Variants in KAT6A observed in about 807,000 individuals in gnomAD.
The protein encoded by KAT6A is lysine acetyltransferase 6A.
A neutral mutation model predicts 198.4 loss-of-function variants in KAT6A; 9 were observed. That is an observed-to-expected ratio of 0.05 (90% CI 0.03 to 0.08). The LOEUF is 0.08. Among genes scored for constraint, KAT6A ranks in the 10% least tolerant of loss-of-function variants. KAT6A has a pLI of 1.00. For synonymous variants in KAT6A, 890 were observed against 883.0 expected (o/e 1.01, Z -0.14); for missense variants, 2,077 against 2,509.9 (o/e 0.83, Z 3.69).
In KAT6A at chr8:41,991,621, T is replaced by G. The variant is rs558193877; in HGVS notation, c.601-4058A>C. 3.2e-4 allele frequency among the ~76,000 whole-genome samples: 48 copies of G among 152,290 alleles called. No individual in the cohort carries two copies. The South Asian group carries it at 9.3e-3, about 30-fold the overall frequency. Reference sequence around the variant, plus strand: ...TATGTATATTTTAATTAGAGTTAAATTTAAATTAATCAAAAAATATAGTAT... The same window carrying G: ...TATGTATATTTTAATTAGAGTTAAAGTTAAATTAATCAAAAAATATAGTAT... On this transcript the variant is annotated intron_variant, in intron 2 of 16. Coordinates refer to ENST00000265713, the MANE Select transcript of KAT6A (RefSeq NM_006766.5).
At chr8:42,005,635 A>AG (rs1825699441) in intron 2 of KAT6A, among the ~76,000 whole-genome samples, 1 of 152,178 alleles carries the variant, frequency 6.6e-6, no homozygotes, top group Non-Finnish European at 1.5e-5. Flanking sequence ...AGAGGGAGTG[A>AG]GGTTGGAAGG....
chr8:41,975,691 G>T (rs1824017366), intron 7 of KAT6A, among the ~76,000 whole-genome samples: 1 of 152,092 alleles, frequency 6.6e-6, no homozygotes, highest in Admixed American at 6.6e-5. Context: ...CTCTAATACA[G>T]CATTCGGTAC....
At chr8:41,941,540 G>A in intron 14 of KAT6A, 96 bp from the exon 15 acceptor site, 3 of 1,274,932 alleles carry the variant, frequency 2.4e-6, no homozygotes, top group Non-Finnish European at 3.2e-6. Context: ...AGAAGAAAAG[G>A]AAACTGAGCT....
At chr8:42,047,598 G>A (rs1023342347) in intron 2 of KAT6A, among the ~76,000 whole-genome samples, 5 of 152,036 alleles carry the variant, frequency 3.3e-5, no homozygotes, top group South Asian at 4.1e-4. Context: ...TTTGGTGGAC[G>A]TGGGGTCTCG....
At chr8:42,021,734 C>T (rs1826543962) in intron 2 of KAT6A, among the ~76,000 whole-genome samples, 2 of 152,120 alleles carry the variant, frequency 1.3e-5, no homozygotes, top group African/African-American at 4.8e-5. Flanking sequence ...AGTTCAAGAC[C>T]AGCCTGGCCA....
intron 2 of KAT6A, among the ~76,000 whole-genome samples, chr8:42,017,693 G>A (rs1489329985): frequency 6.6e-6 from 1 of 152,102 alleles, no homozygotes; most frequent in African/African-American, 2.4e-5. Context: ...TTGCAATAAA[G>A]GCAAGGAAGC....
At chr8:41,975,627 A>T (rs2150885483) in intron 7 of KAT6A, among the ~76,000 whole-genome samples, 1 of 152,300 alleles carries the variant, frequency 6.6e-6, no homozygotes, top group South Asian at 2.1e-4. Context: ...AAAAAAGTAC[A>T]ATCTAAAGGT....
At chr8:42,031,391 C>T (rs919701478) in intron 2 of KAT6A, among the ~76,000 whole-genome samples, 2 of 152,064 alleles carry the variant, frequency 1.3e-5, no homozygotes, top group African/African-American at 4.8e-5. Flanking sequence ...TTCTCCTTTT[C>T]ATCTAGAGGC....
intron 2 of KAT6A, among the ~76,000 whole-genome samples, chr8:42,007,235 C>A (rs1172736462): frequency 6.6e-6 from 1 of 152,096 alleles, no homozygotes; most frequent in Non-Finnish European, 1.5e-5. Flanking sequence ...TGAGAACTTC[C>A]TTCAGATTAA....
chr8:41,979,398 G>C (rs545732912), intron 5 of KAT6A, among the ~76,000 whole-genome samples: 19 of 151,280 alleles, frequency 1.3e-4, no homozygotes, highest in Non-Finnish European at 2.4e-4. Context: ...CATCACTTTG[G>C]GGGGCTGAGG....
chr8:42,015,419 T>G (rs1213584897), intron 2 of KAT6A, among the ~76,000 whole-genome samples: 1 of 152,236 alleles, frequency 6.6e-6, no homozygotes, highest in Non-Finnish European at 1.5e-5. Flanking sequence ...CTTTCTTGCC[T>G]TAAGTTCAGA....
Position 41,995,838 on chromosome 8 carries a change from G to A in KAT6A, c.601-8275C>T, listed in dbSNP as rs555827096. 3.3e-5 allele frequency among the ~76,000 whole-genome samples: 5 copies of A among 152,132 alleles called. No homozygotes were observed. In the South Asian group the frequency reaches 8.3e-4, roughly 25 times the overall value. On this transcript the variant is annotated intron_variant, in intron 2 of 16. Transcript: ENST00000265713. ...TTACAGGCATGTGCCACCACACCCA[G>A]CTAATTTTGTATCTTTAGTTGAGAC...
chr8:42,009,075 C>G (rs1825884661), intron 2 of KAT6A, among the ~76,000 whole-genome samples: 1 of 152,098 alleles, frequency 6.6e-6, no homozygotes, highest in Non-Finnish European at 1.5e-5. Context: ...CATCATTCAC[C>G]TTTTAATATC....
intron 2 of KAT6A, among the ~76,000 whole-genome samples, chr8:42,021,097 G>A (rs1826509815): frequency 6.6e-6 from 1 of 152,060 alleles, no homozygotes. Flanking sequence ...GGGCCAAACT[G>A]AGGGGGAATA....
At position 41,977,286 on chromosome 8, in the gene KAT6A, C is replaced by T; in HGVS notation, c.1085G>A (p.Arg362Lys). ...PFSKVRTGPGRGRKRKITLSS... is the reference protein window; with the variant it reads ...PFSKVRTGPGKGRKRKITLSS... ...AAGAGTGATTTTTCGTTTCCTACCC[C>T]TTCCAGGGCCAGTTCGAACTTTGCT... The change falls in exon 7 of 17, where the codon AGG becomes AAG. Residue 362 changes from arginine to lysine, a missense_variant. By Grantham distance (26) the Arg-to-Lys change is conservative. Transcript: ENST00000265713. The T allele has an allele frequency of 1.2e-6, 2 of 1,614,094 alleles. No homozygotes were observed. Among genetic ancestry groups the T allele is most frequent in the Non-Finnish European group, 1.7e-6 (2 of 1,179,952 alleles).
At chr8:42,038,815 C>T (rs912633045) in intron 2 of KAT6A, among the ~76,000 whole-genome samples, 21 of 152,174 alleles carry the variant, frequency 1.4e-4, no homozygotes, top group African/African-American at 5.1e-4. Context: ...TACAGCCAGA[C>T]TTACTTTTCC....
chr8:41,983,671 G>C (rs1427972171), intron 3 of KAT6A, among the ~76,000 whole-genome samples: 1 of 152,148 alleles, frequency 6.6e-6, no homozygotes, highest in Non-Finnish European at 1.5e-5. Context: ...TGAGTCAAAT[G>C]TATTAAACAT....
chr8:42,041,055 C>T (rs1288725584), intron 2 of KAT6A, among the ~76,000 whole-genome samples: 1 of 151,866 alleles, frequency 6.6e-6, no homozygotes, highest in East Asian at 1.9e-4. Context: ...ATTAGCCAGG[C>T]ATGGTGGCGC....
rs1824117346 is a variant in KAT6A, at chr8:41,977,434, T to C, written c.1044-107A>G. The C allele has an allele frequency of 6.0e-6, 4 of 661,690 alleles. No individual in the cohort carries two copies. The East Asian group carries it at 1.1e-4, about 18-fold the overall frequency. The allele number at this position is 661,690 out of a possible 1,614,324, so 41.0% of individuals were successfully genotyped here. ...TAAGTAACCTACAGCTTTATTAAAA[T>C]CTATATTATTAAGAATATTCTGCAA... On this transcript the variant is annotated intron_variant, in intron 6 of 16. Transcript: ENST00000265713.
Sources: gnomAD v4.1 joint callset for allele counts (sites outside exome capture counted in the v4.1 genomes callset) on GRCh38, gnomAD v4.1.1 for gene constraint, MANE v1.5 for transcripts, NCBI Gene and HGNC (gene_info 2026-07-23, HGNC 2026-07-21) for gene names.